The following CNTN5 variants were observed in gnomAD, a reference collection of about 807,000 sequenced individuals.
CNTN5 encodes contactin 5, also known as contactin-5.
A neutral mutation model predicts 129.1 loss-of-function variants in CNTN5; 77 were observed. That is an observed-to-expected ratio of 0.60 (90% CI 0.50 to 0.72). CNTN5 has a LOEUF of 0.72. Ranked by LOEUF, CNTN5 falls within the 30% of genes least tolerant of loss-of-function variation. The probability of loss-of-function intolerance (pLI) is 0.00; values close to 1 mark genes in which losing one functional copy is unlikely to be tolerated. For synonymous variants in CNTN5, 509 were observed against 465.6 expected (o/e 1.09, Z -1.20); for missense variants, 1,478 against 1,328.8 (o/e 1.11, Z -1.75).
chr11:99,370,661 A>G (rs1939767665), intron 2 of CNTN5, among the ~76,000 whole-genome samples: 2 of 152,226 alleles, frequency 1.3e-5, no homozygotes, highest in Admixed American at 1.3e-4. Context: ...GCATAAAATT[A>G]CAGAAATGGA....
intron 3 of CNTN5, among the ~76,000 whole-genome samples, chr11:99,610,957 C>T (rs929497475): frequency 2.0e-5 from 3 of 152,142 alleles, no homozygotes; most frequent in East Asian, 1.9e-4. Flanking sequence ...CCCAAGTACG[C>T]GTGCACACCA....
At position 100,191,183 on chromosome 11, in the gene CNTN5, G is replaced by C; in HGVS notation, c.1638G>C (p.Glu546Asp). The C allele has an allele frequency of 1.9e-6, 3 of 1,611,882 alleles. No individual in the cohort carries two copies. Among genetic ancestry groups the C allele is most frequent in the East Asian group, 4.5e-5 (2 of 44,766 alleles). The change falls in exon 14 of 25, where the codon GAG (glutamate) becomes GAC (aspartate). Residue 546 changes from glutamate to aspartate, a missense_variant. Coordinates refer to ENST00000524871, the MANE Select transcript of CNTN5 (RefSeq NM_014361.4). ...LRILNASKSD[E>D]GKYVCRGENV... Reference sequence around the variant, plus strand: ...TCCTAAATGCTTCCAAATCAGACGAGGGAAAGTACGTTTGCCGAGGGGAAA... The same window carrying C: ...TCCTAAATGCTTCCAAATCAGACGACGGAAAGTACGTTTGCCGAGGGGAAA...
intron 6 of CNTN5, among the ~76,000 whole-genome samples, chr11:99,874,533 A>C (rs962531463): frequency 1.3e-5 from 2 of 152,168 alleles, no homozygotes; most frequent in African/African-American, 4.8e-5. Flanking sequence ...CTATTGACGG[A>C]TAATACCTAC....
At chr11:99,073,325 C>G (rs1865415184) in intron 1 of CNTN5, among the ~76,000 whole-genome samples, 1 of 149,446 alleles carries the variant, frequency 6.7e-6, no homozygotes, top group Non-Finnish European at 1.5e-5. Flanking sequence ...AATTAGGAGC[C>G]AGACATGTGC....
intron 15 of CNTN5, among the ~76,000 whole-genome samples, chr11:100,213,996 A>G (rs558771812): frequency 6.6e-6 from 1 of 152,290 alleles, no homozygotes; most frequent in African/African-American, 2.4e-5. Context: ...TAGTTGAAAT[A>G]ATACAGCTAC....
At chr11:100,214,244 G>A (rs1187426075) in intron 15 of CNTN5, among the ~76,000 whole-genome samples, 2 of 152,138 alleles carry the variant, frequency 1.3e-5, no homozygotes, top group East Asian at 1.9e-4. Flanking sequence ...CTTTTAAAAT[G>A]TCTGCCAATA....
chr11:99,184,722 G>T (rs183139902), intron 1 of CNTN5, among the ~76,000 whole-genome samples: 3 of 152,126 alleles, frequency 2.0e-5, no homozygotes, highest in Middle Eastern at 3.4e-3. Context: ...ACTTTGCTTA[G>T]AAACAATGAA....
At chr11:100,109,591 T>C (rs1012110766) in intron 13 of CNTN5, among the ~76,000 whole-genome samples, 99 of 152,192 alleles carry the variant, frequency 6.5e-4, no homozygotes, top group African/African-American at 2.3e-3. Flanking sequence ...TAATTCTTTG[T>C]TAATGAGAGA....
intron 16 of CNTN5, among the ~76,000 whole-genome samples, chr11:100,231,015 G>A (rs1949475668): frequency 1.3e-5 from 2 of 152,184 alleles, no homozygotes; most frequent in African/African-American, 2.4e-5. Flanking sequence ...AATTCTTAGT[G>A]TGTGGGCTTG....
chr11:99,125,191 T>A (rs560774191), intron 1 of CNTN5, among the ~76,000 whole-genome samples: 3 of 152,042 alleles, frequency 2.0e-5, no homozygotes, highest in Non-Finnish European at 2.9e-5. Context: ...GTATTCTTGA[T>A]GAATTAAAAA....
intron 2 of CNTN5, among the ~76,000 whole-genome samples, chr11:99,338,794 G>A (rs1428463388): frequency 5.3e-5 from 8 of 151,200 alleles, no homozygotes; most frequent in Non-Finnish European, 1.0e-4. Flanking sequence ...TATGTAAATT[G>A]TGTCAACTTT....
At chr11:99,874,932 C>G (rs763435805) in intron 6 of CNTN5, among the ~76,000 whole-genome samples, 1 of 152,122 alleles carries the variant, frequency 6.6e-6, no homozygotes, top group African/African-American at 2.4e-5. Flanking sequence ...CCAGCTTCCT[C>G]TCAGTGTGCT....
At chr11:99,433,852 C>T (rs1943496152) in intron 2 of CNTN5, among the ~76,000 whole-genome samples, 1 of 152,002 alleles carries the variant, frequency 6.6e-6, no homozygotes, top group African/African-American at 2.4e-5. Flanking sequence ...ATTATAAATC[C>T]CTCTACGTTT....
chr11:99,300,434 T>A (rs1375188801), intron 1 of CNTN5, among the ~76,000 whole-genome samples: 1 of 152,146 alleles, frequency 6.6e-6, no homozygotes, highest in Non-Finnish European at 1.5e-5. Context: ...GTTTTGTATA[T>A]GTTGAACCAT....
intron 3 of CNTN5, among the ~76,000 whole-genome samples, chr11:99,667,508 C>A (rs139834887): frequency 6.6e-6 from 1 of 152,008 alleles, no homozygotes; most frequent in Non-Finnish European, 1.5e-5. Context: ...GTTTATTGTA[C>A]CCCTGGTAAA....
chr11:100,210,074 G>T (rs1407956652), intron 15 of CNTN5, among the ~76,000 whole-genome samples: 1 of 150,618 alleles, frequency 6.6e-6, no homozygotes, highest in Non-Finnish European at 1.5e-5. Context: ...CATGGTTCAA[G>T]CCTGAAATCC....
At chr11:99,276,471 T>C (rs1053002945) in intron 1 of CNTN5, among the ~76,000 whole-genome samples, 1 of 151,658 alleles carries the variant, frequency 6.6e-6, no homozygotes, top group Admixed American at 6.6e-5. Context: ...ATTTAATTTA[T>C]TGAGTTCAGA....
intron 2 of CNTN5, among the ~76,000 whole-genome samples, chr11:99,401,629 T>A (rs559945362): frequency 5.3e-5 from 8 of 152,216 alleles, no homozygotes; most frequent in African/African-American, 1.9e-4. Context: ...ATGTCATGGG[T>A]GTTTTGGTAG....
At chr11:100,073,841 T>C (rs1944024285) in intron 12 of CNTN5, among the ~76,000 whole-genome samples, 1 of 152,132 alleles carries the variant, frequency 6.6e-6, no homozygotes, top group Admixed American at 6.6e-5. Flanking sequence ...TTTTGCTCTT[T>C]TGCCAAGGTC....
Sources: allele counts gnomAD v4.1 joint callset (sites outside exome capture counted in the v4.1 genomes callset), GRCh38; gene constraint gnomAD v4.1.1; transcripts MANE v1.5; gene names NCBI Gene and HGNC (gene_info 2026-07-23, HGNC 2026-07-21).